The following PTPRD variants were observed in gnomAD, a reference collection of about 807,000 sequenced individuals.
PTPRD encodes the protein protein tyrosine phosphatase receptor type D.
A neutral mutation model predicts 214.5 loss-of-function variants in PTPRD; 34 were observed. The ratio of observed to expected loss-of-function variants is 0.16; its 90% CI spans 0.12 to 0.21. PTPRD has a LOEUF of 0.21. Among genes scored for constraint, PTPRD ranks in the 10% least tolerant of loss-of-function variants. The probability of loss-of-function intolerance (pLI) is 1.00; values close to 1 mark genes in which losing one functional copy is unlikely to be tolerated. For missense variants in PTPRD, 2,545 were observed against 2,398.7 expected (o/e 1.06, Z -1.27); for synonymous variants, 1,128 against 845.7 (o/e 1.33, Z -5.79).
chr9:8,439,415 G>A (rs1159553646), intron 34 of PTPRD, among the ~76,000 whole-genome samples: 1 of 152,202 alleles, frequency 6.6e-6, no homozygotes, highest in African/African-American at 2.4e-5. Context: ...ATATGTAAGG[G>A]TTCTAAAAGT....
rs1002247560 is a variant in PTPRD, at chr9:9,666,673, G to T, written c.-287+67860C>A. Among the ~76,000 whole-genome samples, 6 of 151,940 alleles carry T rather than the reference G, an allele frequency of 3.9e-5. No homozygotes were observed. In the East Asian group the frequency reaches 9.7e-4, roughly 24 times the overall value. On this transcript the variant is annotated intron_variant, in intron 7 of 45. Coordinates refer to ENST00000381196, the MANE Select transcript of PTPRD (RefSeq NM_002839.4). ...TTTTGGCTTCTACTGTTCTACCTAA[G>T]GTCTTTACTTTCAACTGTCTTGTGG...
At chr9:9,983,581 A>G (rs530492339) in intron 4 of PTPRD, among the ~76,000 whole-genome samples, 2 of 152,338 alleles carry the variant, frequency 1.3e-5, no homozygotes, top group South Asian at 2.1e-4. Context: ...ATTTCTTTAA[A>G]TATGTTTCAC....
At chr9:9,314,051 T>C (rs1595635947) in intron 9 of PTPRD, among the ~76,000 whole-genome samples, 2 of 152,136 alleles carry the variant, frequency 1.3e-5, no homozygotes, top group East Asian at 3.9e-4. Flanking sequence ...GAAAATTGTT[T>C]ATTTCTCAAC....
chr9:8,576,923 C>T (rs763580578), intron 14 of PTPRD, among the ~76,000 whole-genome samples: 19 of 152,190 alleles, frequency 1.2e-4, no homozygotes, highest in Admixed American at 5.9e-4. Flanking sequence ...GCCAATCCCA[C>T]TGTCAGCAGA....
At position 8,502,848 on chromosome 9, in the gene PTPRD, G is replaced by GTA. The variant is rs556444172; in HGVS notation, c.1822+1411_1822+1412dup. The stretch of plus-strand genomic sequence containing the variant: ...GTCTATTCAATATGTATGTGTGTGT[G>GTA]TATATATATATATATACACACACAC... On this transcript the variant is annotated intron_variant, in intron 23 of 45. Transcript: ENST00000381196. Among the ~76,000 whole-genome samples, 463 of 147,132 alleles carry GTA rather than the reference G, an allele frequency of 3.1e-3. 1 individual carries two copies. The highest frequency in any genetic ancestry group is 0.029 in the South Asian group (133 of 4,654).
Position 8,485,927 on chromosome 9 carries a change from G to A in PTPRD, c.2890C>T (p.Pro964Ser). 2 of 1,614,190 alleles carry A rather than the reference G, an allele frequency of 1.2e-6. No individual in the cohort carries two copies. Among genetic ancestry groups the A allele is most frequent in the Non-Finnish European group, 1.7e-6 (2 of 1,180,034 alleles). The change falls in exon 28 of 46, where the codon CCC (proline) becomes TCC (serine). Residue 964 changes from proline to serine, a missense_variant. By Grantham distance (74) the Pro-to-Ser change is moderately conservative. Coordinates refer to ENST00000381196, the MANE Select transcript of PTPRD (RefSeq NM_002839.4). ...ATAAGCTGCTCCATCGGGAGAAGGG[G>A]GATGTTGATATCCCTATAAAGAAGG... Reference protein sequence around the residue: ...YTLLYRDINIPLLPMEQLIVP... With the variant: ...YTLLYRDINISLLPMEQLIVP...
At chr9:9,971,491 G>C (rs190038172) in intron 4 of PTPRD, among the ~76,000 whole-genome samples, 151 of 152,266 alleles carry the variant, frequency 9.9e-4, no homozygotes, top group Non-Finnish European at 1.9e-3. Flanking sequence ...TTTCCAGAAA[G>C]AAGTTTTTAT....
intron 35 of PTPRD, among the ~76,000 whole-genome samples, chr9:8,436,301 T>C (rs1334655642): frequency 6.6e-6 from 1 of 151,736 alleles, no homozygotes; most frequent in East Asian, 1.9e-4. Flanking sequence ...ATGCATAATA[T>C]GTAAATATAT....
intron 11 of PTPRD, among the ~76,000 whole-genome samples, chr9:8,991,583 AAC>A (rs2099366990): frequency 6.6e-6 from 1 of 152,120 alleles, no homozygotes; most frequent in Non-Finnish European, 1.5e-5. Flanking sequence ...TAAGATGAAA[AAC>A]ACAGGTAAAT....
intron 3 of PTPRD, among the ~76,000 whole-genome samples, chr9:10,245,502 G>A (rs2091930677): frequency 6.6e-6 from 1 of 152,124 alleles, no homozygotes; most frequent in South Asian, 2.1e-4. Flanking sequence ...TGTACAAAAT[G>A]TGCAAGGTGG....
At chr9:10,377,275 G>A (rs765994581) in intron 2 of PTPRD, among the ~76,000 whole-genome samples, 1 of 151,804 alleles carries the variant, frequency 6.6e-6, no homozygotes, top group Non-Finnish European at 1.5e-5. Context: ...TTATGTATAA[G>A]TACCACATTT....
At chr9:8,834,066 T>A (rs1326859050) in intron 11 of PTPRD, among the ~76,000 whole-genome samples, 1 of 152,084 alleles carries the variant, frequency 6.6e-6, no homozygotes, top group Non-Finnish European at 1.5e-5. Context: ...TCTTTTTCAC[T>A]CTCATTTCCA....
chr9:9,914,491 G>T (rs1223694184), intron 5 of PTPRD, among the ~76,000 whole-genome samples: 1 of 152,160 alleles, frequency 6.6e-6, no homozygotes, highest in Admixed American at 6.6e-5. Context: ...CACAATCAGA[G>T]GCCAGCCAAA....
intron 9 of PTPRD, among the ~76,000 whole-genome samples, chr9:9,359,616 G>C (rs535335163): frequency 1.3e-5 from 2 of 151,336 alleles, no homozygotes; most frequent in East Asian, 2.0e-4. Flanking sequence ...TACTCACATG[G>C]AGATGTGGTA....
At chr9:9,507,853 C>A (rs1329002358) in intron 8 of PTPRD, among the ~76,000 whole-genome samples, 1 of 151,330 alleles carries the variant, frequency 6.6e-6, no homozygotes, top group Non-Finnish European at 1.5e-5. Flanking sequence ...CTCGACTGTG[C>A]CTTCATAAAC....
chr9:9,087,878 CTTTTTT>C (rs59824704), intron 10 of PTPRD, among the ~76,000 whole-genome samples: 41 of 68,646 alleles, frequency 6.0e-4, no homozygotes, highest in South Asian at 1.8e-3. Context: ...GCCCTAAACT[CTTTTTT>C]TTTTTTTTTT....
intron 8 of PTPRD, among the ~76,000 whole-genome samples, chr9:9,541,712 A>T (rs151202539): frequency 9.7e-4 from 148 of 152,004 alleles, no homozygotes; most frequent in Middle Eastern, 3.4e-3. Context: ...TGGTATGCTG[A>T]TGGCTAGGAC....
At chr9:8,898,779 A>G (rs985708930) in intron 11 of PTPRD, among the ~76,000 whole-genome samples, 1 of 152,160 alleles carries the variant, frequency 6.6e-6, no homozygotes, top group African/African-American at 2.4e-5. Context: ...CAGAATTTGG[A>G]GGACCATGCA....
chr9:8,834,045 A>C (rs1210249894), intron 11 of PTPRD, among the ~76,000 whole-genome samples: 1 of 152,086 alleles, frequency 6.6e-6, no homozygotes, highest in African/African-American at 2.4e-5. Flanking sequence ...AGAAAGCACA[A>C]TAATGCCTAG....
Sources: gnomAD v4.1 joint callset for allele counts (sites outside exome capture counted in the v4.1 genomes callset) on GRCh38, gnomAD v4.1.1 for gene constraint, MANE v1.5 for transcripts, NCBI Gene and HGNC (gene_info 2026-07-23, HGNC 2026-07-21) for gene names.